NXPE2: variants seen among roughly 807,000 people sequenced by gnomAD.
The protein encoded by NXPE2 is neurexophilin and PC-esterase domain family member 2, also known as NXPE family member 2.
Under a neutral mutation model 34.4 loss-of-function variants are expected in NXPE2, and 34 were observed. The ratio of observed to expected loss-of-function variants is 0.99; its 90% CI spans 0.75 to 1.31. NXPE2 has a LOEUF of 1.31. Ranked by LOEUF, NXPE2 falls within the 40% of genes most tolerant of loss-of-function variation. NXPE2 has a pLI of 0.00. For synonymous variants in NXPE2, 235 were observed against 231.3 expected (o/e 1.02, Z -0.15); for missense variants, 649 against 672.5 (o/e 0.97, Z 0.39).
At chr11:114,743,596 GC>G in the NXPE2 span, among the ~76,000 whole-genome samples, 1 of 151,922 alleles carries the variant, frequency 6.6e-6, no homozygotes, top group Admixed American at 6.6e-5. Flanking sequence ...AGATGCTATT[GC>G]CTACTTTTTA....
At chr11:114,654,551 T>C in the NXPE2 span, among the ~76,000 whole-genome samples, 1 of 152,128 alleles carries the variant, frequency 6.6e-6, no homozygotes, top group Non-Finnish European at 1.5e-5. Context: ...CAACTCCCAC[T>C]TATGAGTGAG....
At chr11:114,466,841 T>C in the NXPE2 span, among the ~76,000 whole-genome samples, 4 of 152,192 alleles carry the variant, frequency 2.6e-5, no homozygotes, top group African/African-American at 9.7e-5. Context: ...AGCAGTTTAG[T>C]CTTCTTTTAT....
the NXPE2 span, among the ~76,000 whole-genome samples, chr11:114,755,987 G>T: frequency 5.9e-5 from 9 of 152,194 alleles, no homozygotes; most frequent in Non-Finnish European, 1.2e-4. Flanking sequence ...AAATGGTGGG[G>T]ATGAAAAGAG....
the NXPE2 span, among the ~76,000 whole-genome samples, chr11:114,792,208 C>G: frequency 1.3e-5 from 2 of 152,172 alleles, no homozygotes; most frequent in Non-Finnish European, 2.9e-5. Flanking sequence ...CTCAGAGCCC[C>G]GTTCCACCAG....
At chr11:114,525,607 G>C in the NXPE2 span, among the ~76,000 whole-genome samples, 129 of 152,152 alleles carry the variant, frequency 8.5e-4, no homozygotes, top group African/African-American at 2.9e-3. Context: ...TGCAAGTTTT[G>C]TAAGTGCCTG....
the NXPE2 span, among the ~76,000 whole-genome samples, chr11:114,810,540 C>T: frequency 6.6e-6 from 1 of 152,070 alleles, no homozygotes; most frequent in Admixed American, 6.5e-5. Context: ...TATGAACAGA[C>T]ACTTCTTAAA....
the NXPE2 span, among the ~76,000 whole-genome samples, chr11:114,515,756 GGGCAGT>G: frequency 6.3e-4 from 62 of 98,522 alleles, 4 homozygotes; most frequent in African/African-American, 3.4e-3. Flanking sequence ...AAGTATGAAA[GGGCAGT>G]CTTTCTGAAG....
chr11:114,670,382 T>C, the NXPE2 span, among the ~76,000 whole-genome samples: 1 of 151,908 alleles, frequency 6.6e-6, no homozygotes, highest in Admixed American at 6.6e-5. Flanking sequence ...ACTACTAAAA[T>C]AGCCCAGCCC....
At chr11:114,807,077 T>C in the NXPE2 span, among the ~76,000 whole-genome samples, 3 of 151,774 alleles carry the variant, frequency 2.0e-5, no homozygotes, top group South Asian at 6.3e-4. Flanking sequence ...CAGAATTTCA[T>C]ATCCAACCAA....
chr11:114,575,255 G>T, the NXPE2 span, among the ~76,000 whole-genome samples: 3 of 152,060 alleles, frequency 2.0e-5, no homozygotes, highest in Admixed American at 1.3e-4. Flanking sequence ...GGGAAAAGTT[G>T]AAAGCATTCC....
the NXPE2 span, among the ~76,000 whole-genome samples, chr11:114,724,044 C>A: frequency 6.6e-6 from 1 of 152,146 alleles, no homozygotes. Flanking sequence ...AAGAAACTTT[C>A]TGTTTCCTTT....
the NXPE2 span, among the ~76,000 whole-genome samples, chr11:114,714,779 T>G: frequency 6.6e-6 from 1 of 152,248 alleles, no homozygotes; most frequent in Admixed American, 6.5e-5. Flanking sequence ...ATCCCAGCAC[T>G]TTGGGAGGCC....
the NXPE2 span, among the ~76,000 whole-genome samples, chr11:114,775,121 C>T: frequency 6.6e-6 from 1 of 152,222 alleles, no homozygotes; most frequent in Non-Finnish European, 1.5e-5. Context: ...TGCCAAGCTG[C>T]AAGCCTCCCA....
chr11:114,643,474 T>C, the NXPE2 span, among the ~76,000 whole-genome samples: 1 of 152,144 alleles, frequency 6.6e-6, no homozygotes, highest in South Asian at 2.1e-4. Flanking sequence ...TTTCTGTATA[T>C]GGCTAGGCAG....
the NXPE2 span, among the ~76,000 whole-genome samples, chr11:114,543,633 A>T: frequency 6.6e-6 from 1 of 152,174 alleles, no homozygotes; most frequent in Non-Finnish European, 1.5e-5. Context: ...GAAGAATGGT[A>T]CTTAATAATG....
the NXPE2 span, among the ~76,000 whole-genome samples, chr11:114,486,893 C>T: frequency 2.6e-5 from 4 of 152,218 alleles, no homozygotes; most frequent in Middle Eastern, 0.014. Context: ...GTCTTGTTTA[C>T]AATACGTCTG....
the NXPE2 span, chr11:114,571,566 T>G: frequency 2.7e-6 from 3 of 1,117,140 alleles, no homozygotes; most frequent in Non-Finnish European, 3.8e-6. Flanking sequence ...TTGGTATAAT[T>G]AAATAAGCTA....
chr11:114,524,086 A>G, the NXPE2 span, among the ~76,000 whole-genome samples: 5 of 152,212 alleles, frequency 3.3e-5, no homozygotes, highest in African/African-American at 4.8e-5. Flanking sequence ...CTCATGGTCT[A>G]ACTTGGCTCT....
chr11:114,796,515 A>G, the NXPE2 span, among the ~76,000 whole-genome samples: 1 of 151,994 alleles, frequency 6.6e-6, no homozygotes, highest in Non-Finnish European at 1.5e-5. Context: ...TTTCCTCTGA[A>G]ATTCAAAAAA....
Sources: gnomAD v4.1 joint callset for allele counts (sites outside exome capture counted in the v4.1 genomes callset) on GRCh38, gnomAD v4.1.1 for gene constraint, MANE v1.5 for transcripts, NCBI Gene and HGNC (gene_info 2026-07-23, HGNC 2026-07-21) for gene names.